FIRRM: variants seen among roughly 807,000 people sequenced by gnomAD.
FIRRM encodes FIGNL1 interacting regulator of recombination and mitosis, also known as FIGNL1-interacting regulator of recombination and mitosis.
At chr1:169,817,548 C>T in the FIRRM span, among the ~76,000 whole-genome samples, 1 of 152,060 alleles carries the variant, frequency 6.6e-6, no homozygotes, top group Non-Finnish European at 1.5e-5. Context: ...CCAAAGAAAG[C>T]CAAACATCAT....
At chr1:169,842,718 G>C in the FIRRM span, among the ~76,000 whole-genome samples, 2 of 152,096 alleles carry the variant, frequency 1.3e-5, no homozygotes, top group East Asian at 1.9e-4. Flanking sequence ...GAGTGTGATA[G>C]CATTATATTA....
the FIRRM span, among the ~76,000 whole-genome samples, chr1:169,840,836 T>A: frequency 1.3e-5 from 2 of 152,164 alleles, no homozygotes; most frequent in African/African-American, 4.8e-5. Context: ...CCACTCAGCT[T>A]GAATGTTATT....
the FIRRM span, among the ~76,000 whole-genome samples, chr1:169,808,320 T>TACAA: frequency 2.6e-4 from 40 of 152,342 alleles, no homozygotes; most frequent in African/African-American, 9.1e-4. Flanking sequence ...CCTTTAGGGA[T>TACAA]ACAAGTATGT....
At chr1:169,835,595 T>G in the FIRRM span, among the ~76,000 whole-genome samples, 1 of 152,244 alleles carries the variant, frequency 6.6e-6, no homozygotes, top group Non-Finnish European at 1.5e-5. Flanking sequence ...TAGTCTTTTA[T>G]GAACTATTTT....
the FIRRM span, among the ~76,000 whole-genome samples, chr1:169,834,270 C>T: frequency 6.6e-6 from 1 of 152,008 alleles, no homozygotes; most frequent in African/African-American, 2.4e-5. Context: ...TTATCAAATG[C>T]AGATTTTCTT....
chr1:169,810,924 A>G, the FIRRM span, among the ~76,000 whole-genome samples: 12 of 130,760 alleles, frequency 9.2e-5, no homozygotes, highest in African/African-American at 1.8e-4. Flanking sequence ...CAGTGGCGCA[A>G]TCTCGGCTCA....
the FIRRM span, among the ~76,000 whole-genome samples, chr1:169,805,156 C>T: frequency 3.3e-5 from 5 of 152,224 alleles, no homozygotes; most frequent in East Asian, 9.6e-4. Flanking sequence ...GCACCTGTTG[C>T]TCTGCAACAC....
the FIRRM span, chr1:169,849,546 C>CTG: frequency 2.5e-6 from 4 of 1,614,036 alleles, no homozygotes; most frequent in Middle Eastern, 5.0e-4. Flanking sequence ...TTACTGCTAG[C>CTG]TGACAGGAGT....
chr1:169,846,289 G>T, the FIRRM span, among the ~76,000 whole-genome samples: 1 of 152,200 alleles, frequency 6.6e-6, no homozygotes, highest in African/African-American at 2.4e-5. Context: ...ATGCAGAGTA[G>T]ATTTAGCAGA....
chr1:169,803,421 A>G, the FIRRM span: 7 of 1,057,036 alleles, frequency 6.6e-6, no homozygotes, highest in South Asian at 2.1e-4. Flanking sequence ...ATTGAAATAA[A>G]CTTTTCCATA....
At chr1:169,819,581 T>C in the FIRRM span, among the ~76,000 whole-genome samples, 3 of 152,204 alleles carry the variant, frequency 2.0e-5, no homozygotes, top group Non-Finnish European at 4.4e-5. Flanking sequence ...TAAAAAAGGA[T>C]CTGTGGTGCC....
At chr1:169,814,455 T>C in the FIRRM span, among the ~76,000 whole-genome samples, 2 of 152,256 alleles carry the variant, frequency 1.3e-5, no homozygotes, top group Non-Finnish European at 2.9e-5. Flanking sequence ...TTGCTGTTAC[T>C]GTGAAAAGTG....
the FIRRM span, chr1:169,806,184 TTG>T: frequency 2.7e-6 from 2 of 729,428 alleles, no homozygotes; most frequent in Non-Finnish European, 2.2e-6. Context: ...TTAAAACATT[TTG>T]TGTGAATTTA....
the FIRRM span, chr1:169,851,906 T>C: frequency 6.2e-7 from 1 of 1,614,096 alleles, no homozygotes. Context: ...CTAATGTGAC[T>C]GTAGAAGAAG....
the FIRRM span, chr1:169,803,273 C>T: frequency 1.9e-6 from 3 of 1,613,762 alleles, no homozygotes; most frequent in Non-Finnish European, 8.5e-7. Flanking sequence ...CCTCCTCAGT[C>T]CTTCATATAA....
chr1:169,810,833 A>AGTT, the FIRRM span, among the ~76,000 whole-genome samples: 1 of 102,808 alleles, frequency 9.7e-6, no homozygotes, highest in Admixed American at 1.1e-4. Flanking sequence ...TTTAGCCCCC[A>AGTT]ATTTTTTTTT....
At chr1:169,790,185 C>CGTTT in the FIRRM span, among the ~76,000 whole-genome samples, 1 of 149,818 alleles carries the variant, frequency 6.7e-6, no homozygotes, top group Non-Finnish European at 1.5e-5. Context: ...TTTTTTTTTT[C>CGTTT]TCTTTTTTTG....
At chr1:169,830,769 A>G in the FIRRM span, 1 of 1,609,152 alleles carries the variant, frequency 6.2e-7, no homozygotes, top group South Asian at 1.1e-5. Flanking sequence ...TACAAGGCCT[A>G]AAACACCCAC....
chr1:169,814,022 T>G, the FIRRM span, among the ~76,000 whole-genome samples: 2 of 152,214 alleles, frequency 1.3e-5, no homozygotes, highest in Non-Finnish European at 2.9e-5. Flanking sequence ...TTATACAAGT[T>G]GTTTACAATT....
Sources: allele counts gnomAD v4.1 joint callset (sites outside exome capture counted in the v4.1 genomes callset), GRCh38; gene constraint gnomAD v4.1.1; transcripts MANE v1.5; gene names NCBI Gene and HGNC (gene_info 2026-07-23, HGNC 2026-07-21).